AQP9: variants seen among roughly 807,000 people sequenced by gnomAD.
AQP9 encodes the protein aquaporin-9.
AQP9 carries 19 observed loss-of-function variants against 23.8 expected under a neutral mutation model. That is an observed-to-expected ratio of 0.80 (90% confidence interval 0.56 to 1.17). The LOEUF (loss-of-function observed/expected upper bound fraction) is 1.17. Among genes scored for constraint, AQP9 ranks in the 50% most tolerant of loss-of-function variants. AQP9 has a pLI of 0.00. For missense variants in AQP9, 413 were observed against 362.0 expected (o/e 1.14, Z -1.14); for synonymous variants, 153 against 131.5 (o/e 1.16, Z -1.12).
chr15:58,139,644 C>A (rs1241739842), intron 1 of AQP9, among the ~76,000 whole-genome samples: 2 of 152,030 alleles, frequency 1.3e-5, no homozygotes, highest in Non-Finnish European at 2.9e-5. Context: ...TTGCTTGGGG[C>A]AAATACATAA....
intron 2 of AQP9, among the ~76,000 whole-genome samples, chr15:58,167,049 G>A (rs1898524264): frequency 1.3e-5 from 2 of 152,184 alleles, no homozygotes; most frequent in South Asian, 4.1e-4. Context: ...CCTAAGTCTG[G>A]CCGCTGCATC....
At position 58,182,167 on chromosome 15, in the gene AQP9, A is replaced by G. The variant is rs114285864; in HGVS notation, c.714-1794A>G. On this transcript the variant is annotated intron_variant, in intron 5 of 5. Coordinates refer to ENST00000219919, the MANE Select transcript of AQP9 (RefSeq NM_020980.5). ...TAAATGTTAAGATGTTTCCCATCAA[A>G]TTTCTCTCCACTTATTCACATTGTT... Among the ~76,000 whole-genome samples the G allele has an allele frequency of 1.5e-3, 226 of 152,320 alleles. 1 individual carries two copies. The highest frequency in any genetic ancestry group is 5.0e-3 in the African/African-American group (209 of 41,572).
chr15:58,144,035 A>G (rs934312534), intron 1 of AQP9, among the ~76,000 whole-genome samples: 6 of 152,248 alleles, frequency 3.9e-5, no homozygotes, highest in Non-Finnish European at 5.9e-5. Context: ...GAGAGAGAGA[A>G]AAATGGAATT....
intron 4 of AQP9, among the ~76,000 whole-genome samples, chr15:58,175,864 T>A (rs958785115): frequency 1.3e-5 from 2 of 152,230 alleles, no homozygotes; most frequent in East Asian, 3.8e-4. Context: ...CTTTCCACTT[T>A]CATCAATAAA....
At position 58,173,117 on chromosome 15, in the gene AQP9, G is replaced by T. The variant is rs1898659374; in HGVS notation, c.288G>T (p.Arg96=). ...CTTTAGCAATGTGTCTCTTTGGACG[G>T]ATGAAATGGTTCAAATTGCCATTTT... The part of the protein sequence containing the change: ...AVSLAMCLFG[R]MKWFKLPFYV... Residue 96 remains arginine (R), a synonymous_variant, in exon 3 of 6, where the codon CGG becomes CGT. Coordinates refer to ENST00000219919, the MANE Select transcript of AQP9 (RefSeq NM_020980.5). 1.2e-6 allele frequency: 2 copies of T among 1,614,052 alleles called. No homozygotes were observed. Among genetic ancestry groups the T allele is most frequent in the East Asian group, 4.5e-5 (2 of 44,882 alleles).
chr15:58,156,882 T>C (rs1898273702), intron 1 of AQP9, among the ~76,000 whole-genome samples: 1 of 152,202 alleles, frequency 6.6e-6, no homozygotes, highest in Non-Finnish European at 1.5e-5. Context: ...GTTATTGCTA[T>C]CAGGTGCGCT....
intron 1 of AQP9, 90 bp downstream of exon 1, chr15:58,138,766 A>G: frequency 9.3e-7 from 1 of 1,079,808 alleles, no homozygotes; most frequent in Non-Finnish European, 1.4e-6. Flanking sequence ...GGTTTGTTTT[A>G]TTTAAGTTAA....
At chr15:58,163,596 C>G (rs906015590) in intron 1 of AQP9, among the ~76,000 whole-genome samples, 1 of 152,030 alleles carries the variant, frequency 6.6e-6, no homozygotes, top group Non-Finnish European at 1.5e-5. Context: ...TGAGAAGAAT[C>G]TGAATGGACG....
rs773860534 is a variant in AQP9, at chr15:58,174,988, A to C, written c.447A>C (p.Ala149=). The change falls in exon 4 of 6, where the codon GCA becomes GCC. Residue 149 remains alanine, a synonymous_variant. Coordinates refer to ENST00000219919, the MANE Select transcript of AQP9 (RefSeq NM_020980.5). ...VGENATAHIF[A]TYPAPYLSLA... ...AAAATGCAACAGCACACATTTTTGC[A>C]ACATACCCAGCTCCGTATCTATCTC... is the stretch of plus-strand genomic sequence containing the variant. 7 of 1,614,086 alleles carry C rather than the reference A, an allele frequency of 4.3e-6. No homozygotes were observed. The highest frequency in any genetic ancestry group is 5.9e-6 in the Non-Finnish European group (7 of 1,180,014).
intron 4 of AQP9, among the ~76,000 whole-genome samples, chr15:58,175,729 A>G (rs1174580737): frequency 4.3e-5 from 5 of 116,902 alleles, no homozygotes; most frequent in Non-Finnish European, 7.9e-5. Context: ...TATGATCAGG[A>G]CTTATACAGT....
intron 4 of AQP9, among the ~76,000 whole-genome samples, chr15:58,176,831 G>A (rs1478864841): frequency 6.6e-6 from 1 of 151,850 alleles, no homozygotes; most frequent in African/African-American, 2.4e-5. Flanking sequence ...GACTGGTCTC[G>A]AACTCCTGAC....
At chr15:58,143,130 C>G (rs1897979884) in intron 1 of AQP9, among the ~76,000 whole-genome samples, 1 of 152,164 alleles carries the variant, frequency 6.6e-6, no homozygotes, top group Non-Finnish European at 1.5e-5. Context: ...TTTTACCTGC[C>G]TCTTGTTATT....
chr15:58,169,636 A>C (rs1415850528), intron 2 of AQP9, among the ~76,000 whole-genome samples: 1 of 152,122 alleles, frequency 6.6e-6, no homozygotes, highest in African/African-American at 2.4e-5. Context: ...ATGGGATCCT[A>C]TTTTGTGGTC....
chr15:58,178,196 C>T (rs1898799135), intron 4 of AQP9, among the ~76,000 whole-genome samples: 1 of 152,016 alleles, frequency 6.6e-6, no homozygotes, highest in South Asian at 2.1e-4. Flanking sequence ...GGAACCAATC[C>T]CCCACAGACA....
At chr15:58,161,806 A>C (rs2140610634) in intron 1 of AQP9, among the ~76,000 whole-genome samples, 1 of 152,340 alleles carries the variant, frequency 6.6e-6, no homozygotes, top group East Asian at 1.9e-4. Flanking sequence ...TTCTTTATCA[A>C]AAAGCCATAT....
intron 4 of AQP9, among the ~76,000 whole-genome samples, chr15:58,178,183 C>T (rs1385075410): frequency 6.6e-6 from 1 of 152,040 alleles, no homozygotes; most frequent in East Asian, 1.9e-4. Flanking sequence ...TGCAGGAAGT[C>T]CTGGAACCAA....
chr15:58,179,491 C>T, intron 5 of AQP9, 146 bp downstream of exon 5: 1 of 659,484 alleles, frequency 1.5e-6, no homozygotes, highest in Non-Finnish European at 2.5e-6. Flanking sequence ...AGACATTTCA[C>T]TGGTATTTTG....
At chr15:58,168,957 T>C (rs1898564298) in intron 2 of AQP9, among the ~76,000 whole-genome samples, 1 of 152,122 alleles carries the variant, frequency 6.6e-6, no homozygotes, top group Non-Finnish European at 1.5e-5. Context: ...AATAGTTACT[T>C]AGAATTAATT....
At position 58,173,947 on chromosome 15, in the gene AQP9, G is replaced by A. The variant is rs1370339099; in HGVS notation, c.376+742G>A. On this transcript the variant is annotated intron_variant, in intron 3 of 5. Coordinates refer to ENST00000219919, the MANE Select transcript of AQP9 (RefSeq NM_020980.5). ...TACATTATGACTTACCCAAACTGAA[G>A]ACCTTAGGAAGTAGAATTTATGAAC... Among the ~76,000 whole-genome samples the A allele has an allele frequency of 3.3e-5, 5 of 151,978 alleles. No homozygotes were observed. In the East Asian group the frequency reaches 9.6e-4, roughly 29 times the overall value.
Sources: allele counts gnomAD v4.1 joint callset (sites outside exome capture counted in the v4.1 genomes callset), GRCh38; gene constraint gnomAD v4.1.1; transcripts MANE v1.5; gene names NCBI Gene and HGNC (gene_info 2026-07-23, HGNC 2026-07-21).